Variants in UBL3 observed in about 807,000 individuals in gnomAD.
UBL3 encodes the protein ubiquitin-like protein 3.
UBL3 carries 6 observed loss-of-function variants against 18.4 expected under a neutral mutation model. The ratio of observed to expected loss-of-function variants is 0.33; its 90% CI spans 0.18 to 0.64. The LOEUF is 0.64. UBL3 is among the 30% of genes least tolerant of loss of function. The pLI is 0.76. For synonymous variants in UBL3, 49 were observed against 46.6 expected (o/e 1.05, Z -0.21); for missense variants, 109 against 142.9 (o/e 0.76, Z 1.21).
chr13:29,832,506 G>C (rs1456062142), intron 1 of UBL3, among the ~76,000 whole-genome samples: 1 of 151,958 alleles, frequency 6.6e-6, no homozygotes, highest in Non-Finnish European at 1.5e-5. Context: ...CTAATTTTTT[G>C]TATTTTTAGT....
chr13:29,799,156 C>A (rs1877693001), intron 1 of UBL3, among the ~76,000 whole-genome samples: 1 of 152,156 alleles, frequency 6.6e-6, no homozygotes. Context: ...ATAATATCAT[C>A]TCTTGCTTCT....
At chr13:29,829,540 A>C (rs1159463457) in intron 1 of UBL3, among the ~76,000 whole-genome samples, 1 of 152,196 alleles carries the variant, frequency 6.6e-6, no homozygotes, top group African/African-American at 2.4e-5. Flanking sequence ...CGTTGGAAAA[A>C]CACAGTATTA....
chr13:29,828,355 T>G (rs1273544825), intron 1 of UBL3, among the ~76,000 whole-genome samples: 1 of 152,200 alleles, frequency 6.6e-6, no homozygotes, highest in Non-Finnish European at 1.5e-5. Flanking sequence ...TAGTCCCGTA[T>G]TTCTTGGAGG....
intron 1 of UBL3, among the ~76,000 whole-genome samples, chr13:29,821,838 A>G (rs1045540951): frequency 3.3e-5 from 5 of 152,198 alleles, no homozygotes; most frequent in African/African-American, 1.2e-4. Flanking sequence ...TAAATCCCCA[A>G]AACAGAATCA....
intron 1 of UBL3, among the ~76,000 whole-genome samples, chr13:29,825,879 T>G (rs1311898496): frequency 6.6e-6 from 1 of 152,194 alleles, no homozygotes; most frequent in Non-Finnish European, 1.5e-5. Context: ...CATCAATATC[T>G]AATTTATTGA....
chr13:29,824,328 C>G (rs968810684), intron 1 of UBL3, among the ~76,000 whole-genome samples: 78 of 152,292 alleles, frequency 5.1e-4, no homozygotes, highest in African/African-American at 9.6e-4. Context: ...CCCACCAACA[C>G]TGTAAAAGTG....
chr13:29,794,703 C>T (rs1877565646), intron 1 of UBL3, among the ~76,000 whole-genome samples: 1 of 152,186 alleles, frequency 6.6e-6, no homozygotes, highest in Admixed American at 6.5e-5. Context: ...TCTTCCTGGG[C>T]ACTGGGTGCC....
At chr13:29,791,456 T>C (rs1194342237) in intron 1 of UBL3, among the ~76,000 whole-genome samples, 7 of 152,218 alleles carry the variant, frequency 4.6e-5, no homozygotes, top group Admixed American at 4.6e-4. Flanking sequence ...AAGTAACTCT[T>C]AAGATCAAAT....
At chr13:29,780,182 G>A (rs1374294215) in intron 1 of UBL3, among the ~76,000 whole-genome samples, 10 of 150,884 alleles carry the variant, frequency 6.6e-5, no homozygotes, top group Non-Finnish European at 1.0e-4. Flanking sequence ...GTGAAACCCC[G>A]TCTCTACTAA....
chr13:29,780,479 C>T (rs1211542097), intron 1 of UBL3, among the ~76,000 whole-genome samples: 2 of 144,126 alleles, frequency 1.4e-5, no homozygotes, highest in Admixed American at 1.4e-4. Flanking sequence ...AAACGGGAAG[C>T]AGCTTTTGAT....
At chr13:29,774,824 T>C (rs566789153) in intron 2 of UBL3, among the ~76,000 whole-genome samples, 47 of 152,230 alleles carry the variant, frequency 3.1e-4, no homozygotes, top group Non-Finnish European at 2.5e-4. Flanking sequence ...CTGGAGGAGA[T>C]TGTCTAGATG....
intron 1 of UBL3, among the ~76,000 whole-genome samples, chr13:29,818,783 A>G (rs1264257950): frequency 6.6e-6 from 1 of 152,206 alleles, no homozygotes; most frequent in African/African-American, 2.4e-5. Flanking sequence ...ACAGAATTTA[A>G]AAAGACCTTT....
chr13:29,787,039 A>C (rs1263816680), intron 1 of UBL3, among the ~76,000 whole-genome samples: 2 of 152,238 alleles, frequency 1.3e-5, no homozygotes, highest in African/African-American at 4.8e-5. Context: ...TTTTTGAATT[A>C]TAGAAACCAT....
In UBL3 at chr13:29,849,719, G is replaced by A. The variant is rs1879320593; in HGVS notation, c.-181C>T. On this transcript the variant is annotated 5_prime_UTR_variant, in exon 1 of 5. Transcript: ENST00000380680. ...TCAGGCCGAGGTTCTGGTTCGAAGA[G>A]GAACAATCCCCAGGAGCTGTGTGGC... The A allele has an allele frequency of 2.7e-6, 2 of 740,978 alleles. No homozygotes were observed. The highest frequency in any genetic ancestry group is 4.9e-5 in the Admixed American group (2 of 40,760). The allele number at this position is 740,978 out of a possible 1,614,324, so 45.9% of individuals were successfully genotyped here. A position where few individuals can be genotyped will look rare whatever the true frequency, so the allele number is the denominator to read the frequency against.
chr13:29,800,680 T>C (rs569309945), intron 1 of UBL3, among the ~76,000 whole-genome samples: 29 of 152,268 alleles, frequency 1.9e-4, no homozygotes, highest in South Asian at 1.9e-3. Flanking sequence ...TTATAAAATA[T>C]GGATGGAATA....
chr13:29,809,341 C>A (rs1446270392), intron 1 of UBL3, among the ~76,000 whole-genome samples: 1 of 151,916 alleles, frequency 6.6e-6, no homozygotes, highest in Admixed American at 6.6e-5. Flanking sequence ...GAACTTCATG[C>A]ATAAAAACTC....
chr13:29,849,516 T>C lies in UBL3; in HGVS notation c.23A>G (p.Asp8Gly). 2 of 1,613,854 alleles carry C rather than the reference T, an allele frequency of 1.2e-6. No homozygotes were observed. Among genetic ancestry groups the C allele is most frequent in the South Asian group, 1.1e-5 (1 of 91,056 alleles). Residue 8 changes from aspartate (D) to glycine (G), a missense_variant, in exon 1 of 5, where the codon GAT (aspartate) becomes GGT (glycine). Coordinates refer to ENST00000380680, the MANE Select transcript of UBL3 (RefSeq NM_007106.4). MSSNVPA[D>G]MINLRLILVS... ...CATAACTTATCCGTCACTTACCATATCCGCCGGGACATTACTGGACATCTT... is the reference window on the plus strand; with the variant it reads ...CATAACTTATCCGTCACTTACCATACCCGCCGGGACATTACTGGACATCTT...
At chr13:29,778,884 C>A (rs1379923443) in intron 1 of UBL3, among the ~76,000 whole-genome samples, 1 of 152,118 alleles carries the variant, frequency 6.6e-6, no homozygotes, top group Non-Finnish European at 1.5e-5. Flanking sequence ...ATATTAGAAC[C>A]TGTATTCTAT....
intron 1 of UBL3, chr13:29,779,170 A>T: frequency 2.1e-6 from 1 of 482,372 alleles, no homozygotes; most frequent in Non-Finnish European, 4.1e-6. Context: ...TTCCTATAGC[A>T]AATCAGTAAT....
Sources: gnomAD v4.1 joint callset for allele counts (sites outside exome capture counted in the v4.1 genomes callset) on GRCh38, gnomAD v4.1.1 for gene constraint, MANE v1.5 for transcripts, NCBI Gene and HGNC (gene_info 2026-07-23, HGNC 2026-07-21) for gene names.